Variants in TDRP observed in about 807,000 individuals in gnomAD.
The protein encoded by TDRP is testis development-related protein.
Under a neutral mutation model 10.5 loss-of-function variants are expected in TDRP, and 12 were observed. The ratio of observed to expected loss-of-function variants is 1.15; its 90% CI spans 0.73 to 1.86. TDRP has a LOEUF of 1.86. Ranked by LOEUF, TDRP falls within the 40% of genes most tolerant of loss-of-function variation. TDRP has a pLI of 0.00. For missense variants in TDRP, 353 were observed against 229.2 expected (o/e 1.54, Z -3.49); for synonymous variants, 139 against 95.4 (o/e 1.46, Z -2.67).
chr8:542,427 T>TG (rs1289920348), intron 1 of TDRP, among the ~76,000 whole-genome samples: 3 of 151,800 alleles, frequency 2.0e-5, no homozygotes, highest in African/African-American at 7.3e-5. Context: ...CACCATTCTG[T>TG]GGGGGTGATG....
intron 1 of TDRP, among the ~76,000 whole-genome samples, chr8:514,033 A>G (rs1563123449): frequency 6.6e-6 from 1 of 152,224 alleles, no homozygotes; most frequent in African/African-American, 2.4e-5. Context: ...AAACTGATCT[A>G]CACATTCAAT....
rs71202629 is a variant in TDRP at position 544,658 on chromosome 8, G to GGGC, written c.97_99dup (p.Ala33dup). ...CCTGCGCACCCCCTCACCTGCGCCT[G>GGGC]GGCGGCGGCGGCGGCGGCCGGTGGC... is the stretch of plus-strand genomic sequence containing the variant. On this transcript the variant is annotated inframe_insertion, in exon 1 of 3. Transcript: ENST00000324079. The GGGC allele has an allele frequency of 8.5e-4, 1,057 of 1,241,892 alleles. 6 individuals carry two copies. In the African/African-American group the frequency reaches 0.014, roughly 16 times the overall value. 76.9% of individuals were successfully genotyped at this position (1,241,892 alleles called of 1,614,324 possible).
Position 492,218 on chromosome 8 carries a change from G to C in TDRP, c.*181C>G. The C allele has an allele frequency of 7.8e-7, 1 of 1,281,620 alleles. No individual in the cohort carries two copies. Among genetic ancestry groups the C allele is most frequent in the Non-Finnish European group, 9.8e-7 (1 of 1,017,962 alleles). The allele number at this position is 1,281,620 out of a possible 1,614,324, so 79.4% of individuals were successfully genotyped here. On this transcript the variant is annotated 3_prime_UTR_variant, in exon 3 of 3. Transcript: ENST00000324079. ...GCAATCAAATGTACAATCCCTGCAC[G>C]TGTTCACCAAGGAGTCACAGTGTGT...
At chr8:544,354 G>T (rs1024125681) in intron 1 of TDRP, among the ~76,000 whole-genome samples, 1 of 152,036 alleles carries the variant, frequency 6.6e-6, no homozygotes, top group Admixed American at 6.5e-5. Context: ...ACGTGCAGGG[G>T]GCACTGGGTC....
At chr8:540,549 G>T (rs890435549) in intron 1 of TDRP, among the ~76,000 whole-genome samples, 1 of 152,030 alleles carries the variant, frequency 6.6e-6, no homozygotes, top group Non-Finnish European at 1.5e-5. Flanking sequence ...TTAGATTCAT[G>T]AAAACTTGCG....
Position 491,600 on chromosome 8 carries a change from C to A in TDRP, c.*799G>T, listed in dbSNP as rs908495488. On this transcript the variant is annotated 3_prime_UTR_variant, in exon 3 of 3. Transcript: ENST00000324079. Reference sequence around the variant, plus strand: ...GTATTTTATGCACAGTCTTAACTCTCTATAATGAGCAAGACAATGTTTCCT... The same window carrying A: ...GTATTTTATGCACAGTCTTAACTCTATATAATGAGCAAGACAATGTTTCCT... 2 of 1,529,160 alleles carry A rather than the reference C, an allele frequency of 1.3e-6. No individual in the cohort carries two copies. Among genetic ancestry groups the A allele is most frequent in the Admixed American group, 2.0e-5 (1 of 49,474 alleles). The allele number at this position is 1,529,160 out of a possible 1,614,324, so 94.7% of individuals were successfully genotyped here.
At chr8:501,842 T>C (rs1238925453) in intron 1 of TDRP, among the ~76,000 whole-genome samples, 1 of 152,150 alleles carries the variant, frequency 6.6e-6, no homozygotes, top group South Asian at 2.1e-4. Flanking sequence ...CCTGCAGTCA[T>C]GGGCCCAGAA....
At chr8:501,072 G>A (rs1465015672) in intron 1 of TDRP, among the ~76,000 whole-genome samples, 2 of 151,970 alleles carry the variant, frequency 1.3e-5, no homozygotes, top group Non-Finnish European at 2.9e-5. Context: ...GGGCGTGATG[G>A]CGGGCGCCTG....
chr8:518,458 G>C (rs1485329789), intron 1 of TDRP, among the ~76,000 whole-genome samples: 2 of 152,006 alleles, frequency 1.3e-5, no homozygotes, highest in Non-Finnish European at 2.9e-5. Flanking sequence ...TGGAATAAAA[G>C]TATATAAAAG....
intron 1 of TDRP, among the ~76,000 whole-genome samples, chr8:542,234 T>G (rs1457850427): frequency 6.6e-6 from 1 of 152,146 alleles, no homozygotes; most frequent in African/African-American, 2.4e-5. Flanking sequence ...GATCAATGTT[T>G]GCCAGGGGTT....
rs1801406155 is a variant in TDRP at position 504,645 on chromosome 8, GCC to G, written c.109-10050_109-10049del. Among the ~76,000 whole-genome samples the G allele has an allele frequency of 6.0e-5, 9 of 149,478 alleles. No individual in the cohort carries two copies. The South Asian group carries it at 1.9e-3, about 32-fold the overall frequency. The stretch of plus-strand genomic sequence containing the variant: ...TTGGGAATAAGAAGTCAGCACTCCA[GCC>G]CTGTTTGGTGAACTGGCAATTCTTG... On this transcript the variant is annotated intron_variant, in intron 1 of 2. Transcript: ENST00000324079.
intron 1 of TDRP, among the ~76,000 whole-genome samples, chr8:495,466 A>AT (rs1226358483): frequency 6.6e-6 from 1 of 152,148 alleles, no homozygotes; most frequent in Non-Finnish European, 1.5e-5. Flanking sequence ...ATTTTGTACA[A>AT]TTTTTTCATT....
At chr8:526,714 G>C (rs374947861) in intron 1 of TDRP, among the ~76,000 whole-genome samples, 1 of 152,136 alleles carries the variant, frequency 6.6e-6, no homozygotes, top group Non-Finnish European at 1.5e-5. Context: ...TAGCCTTGTA[G>C]AATAGCTTTG....
chr8:534,731 T>C (rs1038185417), intron 1 of TDRP, among the ~76,000 whole-genome samples: 9 of 152,220 alleles, frequency 5.9e-5, no homozygotes, highest in African/African-American at 1.7e-4. Context: ...GTGGACGACT[T>C]TGAAGGCACT....
At chr8:495,884 A>T (rs1801115448) in intron 1 of TDRP, among the ~76,000 whole-genome samples, 1 of 152,148 alleles carries the variant, frequency 6.6e-6, no homozygotes. Flanking sequence ...CTGAAAACTA[A>T]CCAGGGACTA....
chr8:537,473 C>T (rs1055817454), intron 1 of TDRP, among the ~76,000 whole-genome samples: 1 of 152,130 alleles, frequency 6.6e-6, no homozygotes, highest in Non-Finnish European at 1.5e-5. Flanking sequence ...CCTTTTTCTT[C>T]TTTTAGTGTG....
intron 1 of TDRP, 148 bp from the exon 2 acceptor site, chr8:494,745 T>G: frequency 1.5e-6 from 1 of 659,116 alleles, no homozygotes; most frequent in South Asian, 1.9e-5. Flanking sequence ...GCACATAGTT[T>G]ACTCCCATTA....
intron 1 of TDRP, among the ~76,000 whole-genome samples, chr8:516,051 A>T (rs1445645189): frequency 1.3e-5 from 2 of 151,896 alleles, no homozygotes; most frequent in African/African-American, 4.8e-5. Context: ...AGATTTGAAT[A>T]AATAAAGAGA....
chr8:490,605 A>T lies in TDRP; in HGVS notation c.*1794T>A, dbSNP rs139460834. On this transcript the variant is annotated 3_prime_UTR_variant, in exon 3 of 3. Coordinates refer to ENST00000324079, the MANE Select transcript of TDRP (RefSeq NM_001384899.1). ...CCTACACTGACTTCCGCTGGAAAGT[A>T]TTTGCAGAAGTCATGAAATGGTGTA... The T allele has an allele frequency of 2.6e-3, 392 of 152,362 alleles. 9 individuals are homozygous for T. Among genetic ancestry groups the T allele is most frequent in the East Asian group, 4.6e-3 (24 of 5,190 alleles). The allele number at this position is 152,362 out of a possible 1,614,324, so 9.4% of individuals were successfully genotyped here.
Sources: allele counts gnomAD v4.1 joint callset (sites outside exome capture counted in the v4.1 genomes callset), GRCh38; gene constraint gnomAD v4.1.1; transcripts MANE v1.5; gene names NCBI Gene and HGNC (gene_info 2026-07-23, HGNC 2026-07-21).